SEC24C: variants seen among roughly 807,000 people sequenced by gnomAD.
SEC24C encodes protein transport protein Sec24C.
SEC24C carries 22 observed loss-of-function variants against 117.0 expected under a neutral mutation model. The observed-to-expected ratio is 0.19, with a 90% CI of 0.13 to 0.27. The LOEUF (loss-of-function observed/expected upper bound fraction) is 0.27. Among genes scored for constraint, SEC24C ranks in the 10% least tolerant of loss-of-function variants. SEC24C has a pLI of 1.00. For missense variants in SEC24C, 1,155 were observed against 1,375.1 expected (o/e 0.84, Z 2.53); for synonymous variants, 506 against 529.4 (o/e 0.96, Z 0.61).
At chr10:73,764,373 A>T (rs2082847381) in intron 8 of SEC24C, among the ~76,000 whole-genome samples, 2 of 151,924 alleles carry the variant, frequency 1.3e-5, no homozygotes, top group Admixed American at 6.6e-5. Context: ...AAATACAAAA[A>T]ATTAGCCGGG....
rs746334496 is a variant in SEC24C at position 73,759,745 on chromosome 10, G to A, written c.432G>A (p.Gln144=). The change falls in exon 4 of 23, where the codon CAG becomes CAA. Residue 144 remains glutamine, a synonymous_variant. Coordinates refer to ENST00000345254, the MANE Select transcript of SEC24C (RefSeq NM_198597.3). ...AQVATQLSGM[Q]ISGAVAPAPP... ...TGGCTACGCAGCTGTCTGGAATGCA[G>A]ATCAGCGGTGCTGTGGCCCCAGCCC... 2 of 1,609,026 alleles carry A rather than the reference G, an allele frequency of 1.2e-6. No homozygotes were observed. Among genetic ancestry groups the A allele is most frequent in the Non-Finnish European group, 1.7e-6 (2 of 1,178,726 alleles).
chr10:73,760,859 A>C lies in SEC24C; in HGVS notation c.987+10A>C, dbSNP rs750463872. 3.1e-6 allele frequency: 5 copies of C among 1,604,452 alleles called. No homozygotes were observed. Among genetic ancestry groups the C allele is most frequent in the South Asian group, 2.2e-5 (2 of 89,716 alleles). ...TGCCATCCCAAGCCCTGTAAGTAGA[A>C]ACTTTCATGGTCCTGAGGAAGGGTT... On this transcript the variant is annotated intron_variant, in intron 6 of 22. Transcript: ENST00000345254.
chr10:73,760,606 G>C, intron 5 of SEC24C, 107 bp from the exon 6 acceptor site: 1 of 1,258,238 alleles, frequency 7.9e-7, no homozygotes, highest in Non-Finnish European at 1.1e-6. Flanking sequence ...CCAGGCATTA[G>C]TGTGCCTCAT....
chr10:73,766,913 C>T (rs1565047241), intron 13 of SEC24C, 60 bp downstream of exon 13: 5 of 1,505,458 alleles, frequency 3.3e-6, no homozygotes, highest in African/African-American at 2.8e-5. Flanking sequence ...CATCTTATCC[C>T]CTGGGATACA....
intron 6 of SEC24C, 25 bp from the exon 7 acceptor site, chr10:73,763,465 C>T (rs1301207961): frequency 6.9e-7 from 1 of 1,455,840 alleles, no homozygotes. Context: ...TCTTCTGTCA[C>T]CTCATTCATT....
chr10:73,766,370 C>G lies in SEC24C; in HGVS notation c.1628C>G (p.Ser543Ter). 6.2e-7 allele frequency: 1 copy of G among 1,608,214 alleles called. No individual in the cohort carries two copies. The highest frequency in any genetic ancestry group is 1.1e-5 in the South Asian group (1 of 90,352). Residue 543 changes from serine to a stop codon, truncating the protein, a stop_gained, in exon 12 of 23, where the codon TCA becomes TGA. Coordinates refer to ENST00000345254, the MANE Select transcript of SEC24C (RefSeq NM_198597.3). LOFTEE classifies it high-confidence loss of function. ...TACAGGGAGGGTGGGGCAGAAGAGT[C>G]AGCAATCCGCGTTGGCTTTGTCACC... ...FLPREGGAEE[S>*]AIRVGFVTYN...
intron 8 of SEC24C, among the ~76,000 whole-genome samples, chr10:73,764,262 C>A (rs896961841): frequency 6.6e-6 from 1 of 151,902 alleles, no homozygotes; most frequent in Non-Finnish European, 1.5e-5. Flanking sequence ...CAGTGGCTCA[C>A]GCCTGTAATC....
chr10:73,757,470 C>T (rs1238520365), intron 3 of SEC24C, among the ~76,000 whole-genome samples: 2 of 148,968 alleles, frequency 1.3e-5, no homozygotes, highest in African/African-American at 2.5e-5. Context: ...ATGATGGCTT[C>T]GCTGCACTGT....
intron 8 of SEC24C, 152 bp downstream of exon 8, chr10:73,764,135 C>A: frequency 3.8e-6 from 4 of 1,060,992 alleles, no homozygotes; most frequent in African/African-American, 1.6e-5. Flanking sequence ...TATCCCAGGG[C>A]CCATGCCTGG....
At chr10:73,767,344 TG>T (rs1565047625) in intron 14 of SEC24C, among the ~76,000 whole-genome samples, 174 bp downstream of exon 14, 1 of 152,208 alleles carries the variant, frequency 6.6e-6, no homozygotes, top group Non-Finnish European at 1.5e-5. Flanking sequence ...CCAAAGCTGT[TG>T]GTAGACTCTT....
chr10:73,762,308 C>A, intron 6 of SEC24C: 1 of 492,638 alleles, frequency 2.0e-6, no homozygotes, highest in South Asian at 1.8e-5. Flanking sequence ...TAGATACTCA[C>A]TTATACAAGA....
chr10:73,764,700 T>G (rs11000771), intron 8 of SEC24C, among the ~76,000 whole-genome samples: 21,509 of 152,162 alleles, frequency 0.14, 1,596 homozygotes, highest in South Asian at 0.2. Context: ...AGAGAAAAGG[T>G]AGATTAGGAT....
At chr10:73,766,986 C>G in intron 13 of SEC24C, 68 bp from the exon 14 acceptor site, 1 of 1,426,016 alleles carries the variant, frequency 7.0e-7, no homozygotes, top group Non-Finnish European at 9.9e-7. Flanking sequence ...ATAGCTGGTG[C>G]TTAATAAATG....
At chr10:73,758,137 A>G (rs1219849956) in intron 3 of SEC24C, among the ~76,000 whole-genome samples, 1 of 151,834 alleles carries the variant, frequency 6.6e-6, no homozygotes, top group Non-Finnish European at 1.5e-5. Flanking sequence ...CGGGAGGCTA[A>G]GGCAGGAGAA....
chr10:73,769,834 A>C lies in SEC24C; in HGVS notation c.2683-2A>C, dbSNP rs1460215088. 1 of 1,613,962 alleles carries C rather than the reference A, an allele frequency of 6.2e-7. No individual in the cohort carries two copies. The highest frequency in any genetic ancestry group is 8.5e-7 in the Non-Finnish European group (1 of 1,179,946). ...TTGACTTTATTTTGATAATCCCCTC[A>C]GTTGATCCTTCCTGAGTGCATGAAG... On this transcript the variant is annotated splice_acceptor_variant, in intron 19 of 22. Coordinates refer to ENST00000345254, the MANE Select transcript of SEC24C (RefSeq NM_198597.3). LOFTEE classifies it high-confidence loss of function. The surrounding 1 kb of genome is among the most constrained non-coding windows in gnomAD (Gnocchi z 4.5).
At position 73,751,096 on chromosome 10, in the gene SEC24C, CTT is replaced by C. The variant is rs777974385; in HGVS notation, c.173-10_173-9del. ...ATTTCCCAATCACTTAGTTTCTGTC[CTT>C]TACCCTCAGGTATGTCAAGAGCCCC... On this transcript the variant is annotated splice_polypyrimidine_tract_variant and intron_variant, in intron 2 of 22. Transcript: ENST00000345254. The C allele has an allele frequency of 6.2e-7, 1 of 1,611,790 alleles. No individual in the cohort carries two copies. The highest frequency in any genetic ancestry group is 8.5e-7 in the Non-Finnish European group (1 of 1,178,790).
In SEC24C at chr10:73,770,026, GGGTT is replaced by G; in HGVS notation, c.2862+14_2862+17del. The G allele has an allele frequency of 6.2e-7, 1 of 1,613,624 alleles. No individual in the cohort carries two copies. The highest frequency in any genetic ancestry group is 8.5e-7 in the Non-Finnish European group (1 of 1,179,646). On this transcript the variant is annotated intron_variant, in intron 20 of 22. Coordinates refer to ENST00000345254, the MANE Select transcript of SEC24C (RefSeq NM_198597.3). Reference sequence around the variant, plus strand: ...CGGCTCTTACCTTTGGTGCGATTGAGGGTTGGAGTATGAGATCTTGCACGGAGCA... The same window carrying G: ...CGGCTCTTACCTTTGGTGCGATTGAGGGAGTATGAGATCTTGCACGGAGCA...
intron 21 of SEC24C, 66 bp from the exon 22 acceptor site, chr10:73,770,643 A>G: frequency 6.4e-7 from 1 of 1,560,852 alleles, no homozygotes; most frequent in Non-Finnish European, 8.8e-7. Context: ...GCATACATGT[A>G]TGCTGCCCCA....
In SEC24C at chr10:73,760,501, G is replaced by T. The variant is rs576721499; in HGVS notation, c.850+115G>T. 4.6e-6 allele frequency: 6 copies of T among 1,308,578 alleles called. No homozygotes were observed. In the African/African-American group the frequency reaches 7.4e-5, roughly 16 times the overall value. 81.1% of individuals were successfully genotyped at this position (1,308,578 alleles called of 1,614,324 possible). A position where few individuals can be genotyped will look rare whatever the true frequency, so the allele number is the denominator to read the frequency against. On this transcript the variant is annotated intron_variant, in intron 5 of 22. Transcript: ENST00000345254. ...TACTTGCTAAGTGGTGAATTAGATG[G>T]GTAGCTTCAGGGTATTATTCCTAGG...
Sources: gnomAD v4.1 joint callset for allele counts (sites outside exome capture counted in the v4.1 genomes callset) on GRCh38, gnomAD v4.1.1 for gene constraint, Gnocchi (gnomAD v3.1) non-coding constraint, MANE v1.5 for transcripts, NCBI Gene and HGNC (gene_info 2026-07-23, HGNC 2026-07-21) for gene names.